Variants in RORA observed in about 807,000 individuals in gnomAD.
RORA encodes the protein nuclear receptor ROR-alpha.
RORA carries 7 observed loss-of-function variants against 69.5 expected under a neutral mutation model. That is an observed-to-expected ratio of 0.10 (90% CI 0.06 to 0.19). RORA has a LOEUF of 0.19. Among genes scored for constraint, RORA ranks in the 10% least tolerant of loss-of-function variants. The probability of loss-of-function intolerance (pLI) is 1.00; values close to 1 mark genes in which losing one functional copy is unlikely to be tolerated. For missense variants in RORA, 457 were observed against 663.0 expected, an observed-to-expected ratio of 0.69 and a Z score of 3.41; for synonymous variants, 261 against 240.8, an observed-to-expected ratio of 1.08 and a Z score of -0.78.
intron 1 of RORA, among the ~76,000 whole-genome samples, chr15:61,208,682 G>A (rs916744730): frequency 1.3e-5 from 2 of 152,150 alleles, no homozygotes; most frequent in Non-Finnish European, 2.9e-5. Flanking sequence ...GTGCCTCTCT[G>A]TACTAAGGAG....
At chr15:61,218,175 T>TTGTG (rs72135304) in intron 1 of RORA, among the ~76,000 whole-genome samples, 25,633 of 148,230 alleles carry the variant, frequency 0.17, 2,262 homozygotes, top group Non-Finnish European at 0.2. Context: ...CATGAAATGT[T>TTGTG]TGTGTGTGTG....
At chr15:61,003,318 G>T (rs1894805662) in intron 1 of RORA, among the ~76,000 whole-genome samples, 1 of 152,144 alleles carries the variant, frequency 6.6e-6, no homozygotes, top group African/African-American at 2.4e-5. Context: ...GGACTGAAGA[G>T]ACTATGTAAT....
intron 1 of RORA, among the ~76,000 whole-genome samples, chr15:60,907,860 A>G (rs1379863247): frequency 6.6e-6 from 1 of 152,210 alleles, no homozygotes; most frequent in African/African-American, 2.4e-5. Context: ...AACTCCAGTT[A>G]GAACTCAAAC....
chr15:61,198,924 T>C (rs1468023348), intron 1 of RORA, among the ~76,000 whole-genome samples: 1 of 152,190 alleles, frequency 6.6e-6, no homozygotes, highest in Non-Finnish European at 1.5e-5. Flanking sequence ...ACCCAGGCTT[T>C]CCAGCCTTCC....
intron 1 of RORA, among the ~76,000 whole-genome samples, chr15:60,890,122 G>A (rs181909134): frequency 5.5e-4 from 84 of 152,274 alleles, no homozygotes; most frequent in African/African-American, 1.9e-3. Flanking sequence ...AACTGTCTGT[G>A]CTATGCACAT....
chr15:60,956,846 T>C (rs569477606), intron 1 of RORA, among the ~76,000 whole-genome samples: 1 of 152,336 alleles, frequency 6.6e-6, no homozygotes, highest in African/African-American at 2.4e-5. Context: ...GAGGAAGCTG[T>C]GAGTTAGGGA....
At chr15:60,898,500 AAAATAAATAAATAAAT>A (rs59713870) in intron 1 of RORA, among the ~76,000 whole-genome samples, 101 of 138,124 alleles carry the variant, frequency 7.3e-4, no homozygotes, top group Admixed American at 1.0e-3. Flanking sequence ...ATTGTCTCTA[AAAATAAATAAATAAAT>A]AAATAAATAA....
At chr15:60,541,384 A>C (rs1306380556) in intron 2 of RORA, among the ~76,000 whole-genome samples, 1 of 152,228 alleles carries the variant, frequency 6.6e-6, no homozygotes, top group Non-Finnish European at 1.5e-5. Context: ...CATACTAATG[A>C]CCAAACAACG....
intron 2 of RORA, among the ~76,000 whole-genome samples, chr15:60,566,893 G>C (rs923489273): frequency 6.6e-6 from 1 of 152,166 alleles, no homozygotes; most frequent in Non-Finnish European, 1.5e-5. Context: ...TGGGTAGCCA[G>C]GTTGGCGGGA....
At chr15:60,677,370 C>G in intron 2 of RORA, 1 of 378,456 alleles carries the variant, frequency 2.6e-6, no homozygotes, top group South Asian at 1.9e-5. Flanking sequence ...GGGTCACAGA[C>G]TACCCTGATG....
chr15:60,865,017 G>A (rs1267314811), intron 1 of RORA, among the ~76,000 whole-genome samples: 1 of 152,186 alleles, frequency 6.6e-6, no homozygotes, highest in Non-Finnish European at 1.5e-5. Flanking sequence ...TTGATGCTGT[G>A]AAGAGGAAAT....
At chr15:60,633,419 C>G (rs115488251) in intron 2 of RORA, among the ~76,000 whole-genome samples, 4,282 of 152,240 alleles carry the variant, frequency 0.028, 210 homozygotes, top group African/African-American at 0.098. Flanking sequence ...ATATAGAAAA[C>G]GTTTTTCCAA....
intron 1 of RORA, among the ~76,000 whole-genome samples, chr15:61,206,949 G>A (rs1489408847): frequency 2.0e-5 from 3 of 152,140 alleles, no homozygotes; most frequent in Non-Finnish European, 2.9e-5. Flanking sequence ...ACAGTCTAAC[G>A]CCTAAATTCC....
intron 1 of RORA, among the ~76,000 whole-genome samples, chr15:60,731,523 CGAA>C (rs1244708327): frequency 6.6e-6 from 1 of 152,086 alleles, no homozygotes. Flanking sequence ...CCAAATTAGC[CGAA>C]GAATCAGTCC....
chr15:60,605,405 G>T (rs796548708), intron 2 of RORA, among the ~76,000 whole-genome samples: 8 of 152,100 alleles, frequency 5.3e-5, no homozygotes, highest in African/African-American at 1.9e-4. Context: ...GTATCCCTTA[G>T]GATTTCAAGG....
intron 1 of RORA, among the ~76,000 whole-genome samples, chr15:60,853,640 C>A (rs1248824603): frequency 6.6e-6 from 1 of 152,192 alleles, no homozygotes; most frequent in South Asian, 2.1e-4. Flanking sequence ...GGCCTTGATA[C>A]AAGTGCAGGG....
At chr15:60,943,809 G>A (rs866828757) in intron 1 of RORA, among the ~76,000 whole-genome samples, 3 of 150,238 alleles carry the variant, frequency 2.0e-5, no homozygotes, top group Non-Finnish European at 3.0e-5. Context: ...CCAGCTACTC[G>A]GGAGGCTGAG....
chr15:60,540,591 A>G (rs958197124), intron 2 of RORA, among the ~76,000 whole-genome samples: 3 of 104,340 alleles, frequency 2.9e-5, no homozygotes, highest in African/African-American at 1.1e-4. Context: ...CTGTGCGGTC[A>G]CAAAACCCAG....
At chr15:60,869,741 C>T (rs2073532341) in intron 1 of RORA, among the ~76,000 whole-genome samples, 1 of 152,202 alleles carries the variant, frequency 6.6e-6, no homozygotes, top group Non-Finnish European at 1.5e-5. Flanking sequence ...CCTCCCTCTC[C>T]CCTTGGAAAA....
Sources: gnomAD v4.1 joint callset for allele counts (sites outside exome capture counted in the v4.1 genomes callset) on GRCh38, gnomAD v4.1.1 for gene constraint, MANE v1.5 for transcripts, NCBI Gene and HGNC (gene_info 2026-07-23, HGNC 2026-07-21) for gene names.